The following TMEM178B variants were observed in gnomAD, a reference collection of about 807,000 sequenced individuals.
TMEM178B encodes the protein transmembrane protein 178B.
TMEM178B carries 5 observed loss-of-function variants against 31.0 expected under a neutral mutation model. The observed-to-expected ratio is 0.16, with a 90% CI of 0.08 to 0.34. TMEM178B has a LOEUF of 0.34. Ranked by LOEUF, TMEM178B falls within the 10% of genes least tolerant of loss-of-function variation. TMEM178B has a pLI of 1.00. For synonymous variants in TMEM178B, 164 were observed against 164.0 expected (o/e 1.00, Z 0.00); for missense variants, 275 against 400.3 (o/e 0.69, Z 2.67).
In TMEM178B at chr7:141,290,609, G is replaced by A. The variant is rs561719656; in HGVS notation, c.496+77905G>A. Among the ~76,000 whole-genome samples, 829 of 152,198 alleles carry A rather than the reference G, an allele frequency of 5.4e-3. 8 individuals carry two copies. Among genetic ancestry groups the A allele is most frequent in the African/African-American group, 0.019 (793 of 41,520 alleles). ...CACATGTAAACACATGCACACACAC[G>A]CGCGTGCTTTAAATAATACATCACC... On this transcript the variant is annotated intron_variant, in intron 2 of 3. Coordinates refer to ENST00000565468, the MANE Select transcript of TMEM178B (RefSeq NM_001195278.2).
intron 1 of TMEM178B, among the ~76,000 whole-genome samples, chr7:141,161,848 T>A (rs1460445625): frequency 6.6e-6 from 1 of 151,552 alleles, no homozygotes; most frequent in Non-Finnish European, 1.5e-5. Context: ...AGAAGCAGAG[T>A]GTGTGGCATG....
At chr7:141,393,742 C>T (rs1316236604) in intron 2 of TMEM178B, among the ~76,000 whole-genome samples, 1 of 152,176 alleles carries the variant, frequency 6.6e-6, no homozygotes, top group East Asian at 1.9e-4. Context: ...TTGTGGTTAT[C>T]ACAGATCATA....
intron 1 of TMEM178B, among the ~76,000 whole-genome samples, chr7:141,121,670 G>A (rs574942828): frequency 3.7e-4 from 56 of 152,106 alleles, no homozygotes; most frequent in Non-Finnish European, 7.2e-4. Flanking sequence ...AAGAGAGTTC[G>A]AAATTAATTA....
chr7:141,501,367 C>G, the TMEM178B span, among the ~76,000 whole-genome samples: 45 of 151,752 alleles, frequency 3.0e-4, no homozygotes, highest in African/African-American at 9.2e-4. Context: ...GTACTACCAC[C>G]AAGAACCTCC....
intron 1 of TMEM178B, among the ~76,000 whole-genome samples, chr7:141,133,246 A>G (rs549875577): frequency 8.5e-5 from 13 of 152,330 alleles, no homozygotes; most frequent in African/African-American, 2.9e-4. Context: ...ATGAAAAGGA[A>G]ATCTAAGAAA....
At chr7:141,305,550 C>T (rs1180198702) in intron 2 of TMEM178B, among the ~76,000 whole-genome samples, 1 of 152,162 alleles carries the variant, frequency 6.6e-6, no homozygotes, top group Admixed American at 6.5e-5. Context: ...GCCTCAGCCT[C>T]CCAAGTAGCT....
At chr7:141,435,721 C>T (rs1801523424) in intron 2 of TMEM178B, among the ~76,000 whole-genome samples, 1 of 152,232 alleles carries the variant, frequency 6.6e-6, no homozygotes, top group Admixed American at 6.5e-5. Flanking sequence ...TCAGCAGTTC[C>T]ATCTGACACA....
intron 3 of TMEM178B, among the ~76,000 whole-genome samples, chr7:141,441,502 G>T (rs575809006): frequency 1.1e-4 from 17 of 152,326 alleles, no homozygotes; most frequent in Admixed American, 3.3e-4. Flanking sequence ...GGCTCAGGTT[G>T]CAGGCATCTA....
chr7:141,493,285 A>G, the TMEM178B span, among the ~76,000 whole-genome samples: 1 of 152,174 alleles, frequency 6.6e-6, no homozygotes, highest in Admixed American at 6.5e-5. Context: ...AGCCCTTGCT[A>G]TGTGTAAGTG....
chr7:141,338,771 A>G (rs1799468007), intron 2 of TMEM178B, among the ~76,000 whole-genome samples: 1 of 152,210 alleles, frequency 6.6e-6, no homozygotes, highest in African/African-American at 2.4e-5. Context: ...AGCTGACTTG[A>G]TAATTCCACC....
chr7:141,268,151 C>T (rs76406519), intron 2 of TMEM178B, among the ~76,000 whole-genome samples: 3 of 152,192 alleles, frequency 2.0e-5, no homozygotes, highest in Non-Finnish European at 4.4e-5. Flanking sequence ...CTCGCACTAA[C>T]TTGCAATAAC....
the TMEM178B span, among the ~76,000 whole-genome samples, chr7:141,509,866 C>T: frequency 3.3e-5 from 5 of 152,172 alleles, no homozygotes; most frequent in African/African-American, 7.2e-5. Context: ...ATTAATCCTC[C>T]GCATGTCCTT....
At chr7:141,306,868 T>G (rs1798824412) in intron 2 of TMEM178B, among the ~76,000 whole-genome samples, 1 of 152,192 alleles carries the variant, frequency 6.6e-6, no homozygotes, top group Admixed American at 6.5e-5. Context: ...CCTTGACTTC[T>G]TCATTCCATA....
chr7:141,113,471 A>G (rs952200710), intron 1 of TMEM178B, among the ~76,000 whole-genome samples: 3 of 152,158 alleles, frequency 2.0e-5, no homozygotes, highest in African/African-American at 7.2e-5. Context: ...GCCAGATGGG[A>G]CTACTGGGAC....
intron 2 of TMEM178B, among the ~76,000 whole-genome samples, chr7:141,339,060 C>A (rs1209912157): frequency 6.6e-6 from 1 of 152,122 alleles, no homozygotes. Context: ...GAGAGTGAGA[C>A]AGGTTGTGGG....
At chr7:141,392,803 C>G (rs978251146) in intron 2 of TMEM178B, among the ~76,000 whole-genome samples, 33 of 151,142 alleles carry the variant, frequency 2.2e-4, no homozygotes, top group African/African-American at 7.8e-4. Context: ...TCTCTAGGTC[C>G]CTGGGAGCCA....
intron 2 of TMEM178B, among the ~76,000 whole-genome samples, chr7:141,338,864 G>A (rs906139579): frequency 3.3e-5 from 5 of 152,162 alleles, no homozygotes; most frequent in Non-Finnish European, 5.9e-5. Context: ...TTAGAAAATA[G>A]GGCCTTAAAA....
At chr7:141,083,405 A>G (rs1351510859) in intron 1 of TMEM178B, among the ~76,000 whole-genome samples, 3 of 151,772 alleles carry the variant, frequency 2.0e-5, no homozygotes, top group Non-Finnish European at 2.9e-5. Flanking sequence ...GTCAAAGAGT[A>G]GATAATAGGT....
chr7:141,325,552 T>C (rs894150196), intron 2 of TMEM178B, among the ~76,000 whole-genome samples: 4 of 152,294 alleles, frequency 2.6e-5, no homozygotes, highest in African/African-American at 9.6e-5. Flanking sequence ...CCATAGGGAT[T>C]GGGCTTATGG....
Sources: gnomAD v4.1 joint callset for allele counts (sites outside exome capture counted in the v4.1 genomes callset) on GRCh38, gnomAD v4.1.1 for gene constraint, MANE v1.5 for transcripts, NCBI Gene and HGNC (gene_info 2026-07-23, HGNC 2026-07-21) for gene names.